The following NUMB variants were observed in gnomAD, a reference collection of about 807,000 sequenced individuals.
NUMB encodes NUMB endocytic adaptor protein, also known as protein numb homolog.
In NUMB, 29 loss-of-function variants were observed where a neutral mutation model predicts 59.7. The observed-to-expected ratio is 0.49, with a 90% confidence interval of 0.36 to 0.66. The LOEUF is 0.66. Ranked by LOEUF, NUMB falls within the 30% of genes least tolerant of loss-of-function variation. The pLI is 0.00. For missense variants in NUMB, 723 were observed against 822.0 expected, an observed-to-expected ratio of 0.88 and a Z score of 1.47; for synonymous variants, 288 against 288.2, an observed-to-expected ratio of 1.00 and a Z score of 0.01.
chr14:73,421,176 G>GTTTT lies in NUMB; in HGVS notation c.-232-11112_-232-11109dup, dbSNP rs754415805. On this transcript the variant is annotated intron_variant, in intron 1 of 12. Transcript: ENST00000555238. ...AAGAAAAGGAAAGTTTTTTTTTGGTGTTTTTGTTTGTTTGTTTGTTTGTTT... is the reference window on the plus strand; with the variant it reads ...AAGAAAAGGAAAGTTTTTTTTTGGTGTTTTTTTTTGTTTGTTTGTTTGTTTGTTT... Among the ~76,000 whole-genome samples, 771 of 151,152 alleles carry GTTTT rather than the reference G, an allele frequency of 5.1e-3. 3 individuals are homozygous for GTTTT. The highest frequency in any genetic ancestry group is 8.4e-3 in the Non-Finnish European group (567 of 67,734).
At chr14:73,386,574 GA>G (rs1234614793) in intron 2 of NUMB, among the ~76,000 whole-genome samples, 1 of 151,856 alleles carries the variant, frequency 6.6e-6, no homozygotes, top group East Asian at 1.9e-4. Context: ...ATACCACAAA[GA>G]AAAAAGGCTT....
chr14:73,296,037 G>A (rs1594874847), intron 7 of NUMB, among the ~76,000 whole-genome samples: 1 of 152,168 alleles, frequency 6.6e-6, no homozygotes, highest in Non-Finnish European at 1.5e-5. Flanking sequence ...AGAGCAAGAA[G>A]AAATTTCAGA....
At chr14:73,427,337 C>T (rs544690224) in intron 1 of NUMB, among the ~76,000 whole-genome samples, 14 of 152,034 alleles carry the variant, frequency 9.2e-5, no homozygotes, top group Middle Eastern at 3.4e-3. Flanking sequence ...TGGTCGCACA[C>T]GCCTGTAATC....
intron 4 of NUMB, among the ~76,000 whole-genome samples, chr14:73,337,078 C>A (rs576279719): frequency 1.3e-5 from 2 of 150,396 alleles, no homozygotes; most frequent in Non-Finnish European, 3.0e-5. Flanking sequence ...CAAAATATAC[C>A]AAAATTAGCC....
In NUMB at chr14:73,277,292, C is replaced by T. The variant is rs1231553238; in HGVS notation, c.1242G>A (p.Gly414=). Residue 414 remains glycine (G), a splice_region_variant and synonymous_variant, in exon 13 of 13, where the codon GGG becomes GGA. Coordinates refer to ENST00000555238, the MANE Select transcript of NUMB (RefSeq NM_001005743.2). The part of the protein sequence containing the change: ...ANKEIAATCS[G]TEWGQSSGAA... ...CACCAGAAGATTGACCCCACTCGGT[C>T]CCTGGAACCAACAAGATGAGAGACA... is the stretch of plus-strand genomic sequence containing the variant. 1.3e-6 allele frequency: 2 copies of T among 1,591,212 alleles called. No homozygotes were observed. Among genetic ancestry groups the T allele is most frequent in the Admixed American group, 3.4e-5 (2 of 58,604 alleles).
At chr14:73,443,464 G>A (rs937121331) in intron 1 of NUMB, among the ~76,000 whole-genome samples, 5 of 151,578 alleles carry the variant, frequency 3.3e-5, no homozygotes, top group East Asian at 2.0e-4. Flanking sequence ...GCGTGGTGGC[G>A]CACGCCTGTA....
At chr14:73,405,266 C>T (rs1310324517) in intron 2 of NUMB, among the ~76,000 whole-genome samples, 1 of 152,012 alleles carries the variant, frequency 6.6e-6, no homozygotes, top group Non-Finnish European at 1.5e-5. Flanking sequence ...CATTTTTTTC[C>T]TCTAGTATCC....
At chr14:73,369,152 C>T (rs1894537436) in intron 2 of NUMB, among the ~76,000 whole-genome samples, 1 of 151,724 alleles carries the variant, frequency 6.6e-6, no homozygotes, top group African/African-American at 2.4e-5. Context: ...AGTGATTCTC[C>T]TGCCTCGGCC....
At chr14:73,378,290 T>C (rs1282109897) in intron 2 of NUMB, among the ~76,000 whole-genome samples, 2 of 152,240 alleles carry the variant, frequency 1.3e-5, no homozygotes, top group Non-Finnish European at 2.9e-5. Flanking sequence ...GAATCCCTCA[T>C]TCATTGTTGA....
intron 1 of NUMB, among the ~76,000 whole-genome samples, chr14:73,410,532 T>C (rs780881235): frequency 7.9e-5 from 12 of 152,208 alleles, no homozygotes; most frequent in Non-Finnish European, 1.3e-4. Flanking sequence ...TGTTCAAATC[T>C]AATTCTTGAA....
At chr14:73,370,504 C>A (rs868805120) in intron 2 of NUMB, among the ~76,000 whole-genome samples, 4 of 152,070 alleles carry the variant, frequency 2.6e-5, no homozygotes, top group African/African-American at 7.2e-5. Context: ...CCAGCCTGAC[C>A]AACATGGAGA....
intron 4 of NUMB, among the ~76,000 whole-genome samples, chr14:73,352,788 C>T (rs1470241111): frequency 2.0e-5 from 3 of 149,234 alleles, no homozygotes; most frequent in East Asian, 2.0e-4. Flanking sequence ...GTGATCTGCC[C>T]GCCCTGGCCT....
At chr14:73,330,677 A>C (rs1478463393) in intron 4 of NUMB, among the ~76,000 whole-genome samples, 1 of 152,238 alleles carries the variant, frequency 6.6e-6, no homozygotes, top group African/African-American at 2.4e-5. Flanking sequence ...AATACTATAT[A>C]TGTCTTCGCT....
chr14:73,450,406 G>T (rs1474253408), intron 1 of NUMB, among the ~76,000 whole-genome samples: 1 of 152,168 alleles, frequency 6.6e-6, no homozygotes, highest in Non-Finnish European at 1.5e-5. Context: ...TCATAACATG[G>T]CAGTCACAAA....
intron 1 of NUMB, among the ~76,000 whole-genome samples, chr14:73,448,924 G>A (rs1025166675): frequency 6.6e-6 from 1 of 151,920 alleles, no homozygotes; most frequent in African/African-American, 2.4e-5. Context: ...TAATGGCATA[G>A]TACAGTCGGT....
intron 3 of NUMB, among the ~76,000 whole-genome samples, chr14:73,358,605 T>C (rs72736319): frequency 0.25 from 21,134 of 85,160 alleles, 2,147 homozygotes; most frequent in Non-Finnish European, 0.31. Context: ...AGCTAGACTT[T>C]TTTTTTTTTT....
chr14:73,435,749 G>A lies in NUMB; in HGVS notation c.-233+22744C>T, dbSNP rs538414838. 4.0e-5 allele frequency among the ~76,000 whole-genome samples: 6 copies of A among 151,744 alleles called. No individual in the cohort carries two copies. The East Asian group carries it at 1.2e-3, about 29-fold the overall frequency. ...GATCTGGGCTCAGTGGCTCACGCCTGTAATCCCAGCACTTTGGGAGGCTGA... is the reference window on the plus strand; with the variant it reads ...GATCTGGGCTCAGTGGCTCACGCCTATAATCCCAGCACTTTGGGAGGCTGA... On this transcript the variant is annotated intron_variant, in intron 1 of 12. Coordinates refer to ENST00000555238, the MANE Select transcript of NUMB (RefSeq NM_001005743.2).
intron 5 of NUMB, among the ~76,000 whole-genome samples, chr14:73,317,625 A>C (rs1388468760): frequency 6.6e-6 from 1 of 152,206 alleles, no homozygotes; most frequent in Non-Finnish European, 1.5e-5. Flanking sequence ...TTTAAAATAA[A>C]GAAACTTGCA....
At chr14:73,436,534 C>G (rs1301337888) in intron 1 of NUMB, among the ~76,000 whole-genome samples, 4 of 151,938 alleles carry the variant, frequency 2.6e-5, no homozygotes, top group South Asian at 4.1e-4. Context: ...TGGCCAGGCT[C>G]GTCTTGAACT....
Sources: allele counts gnomAD v4.1 joint callset (sites outside exome capture counted in the v4.1 genomes callset), GRCh38; gene constraint gnomAD v4.1.1; transcripts MANE v1.5; gene names NCBI Gene and HGNC (gene_info 2026-07-23, HGNC 2026-07-21).